RPS6KA2: variants seen among roughly 807,000 people sequenced by gnomAD.
RPS6KA2 encodes ribosomal protein S6 kinase A2, also known as ribosomal protein S6 kinase alpha-2.
A neutral mutation model predicts 91.8 loss-of-function variants in RPS6KA2; 42 were observed. The observed-to-expected ratio is 0.46, with a 90% CI of 0.36 to 0.59. The LOEUF (loss-of-function observed/expected upper bound fraction) is 0.59. Among genes scored for constraint, RPS6KA2 ranks in the 20% least tolerant of loss-of-function variants. The pLI is 0.00. For missense variants in RPS6KA2, 798 were observed against 978.5 expected, an observed-to-expected ratio of 0.82 and a Z score of 2.46; for synonymous variants, 414 against 393.6, an observed-to-expected ratio of 1.05 and a Z score of -0.61.
At chr6:166,798,079 CAG>C (rs1341024342) in intron 2 of RPS6KA2, among the ~76,000 whole-genome samples, 15 of 152,196 alleles carry the variant, frequency 9.9e-5, no homozygotes, top group African/African-American at 3.6e-4. Flanking sequence ...AGAGATCAAA[CAG>C]AGCAAAATCG....
At chr6:166,504,708 A>C in intron 5 of RPS6KA2, 96 bp from the exon 6 acceptor site, 2 of 829,918 alleles carry the variant, frequency 2.4e-6, no homozygotes, top group Non-Finnish European at 3.8e-6. Context: ...CTGAGAGTCC[A>C]CACTGGGGTC....
intron 2 of RPS6KA2, among the ~76,000 whole-genome samples, chr6:166,645,860 C>T (rs962093047): frequency 1.3e-5 from 2 of 152,192 alleles, no homozygotes; most frequent in South Asian, 4.1e-4. Context: ...ATTATTTTGC[C>T]TCCCAATGGA....
chr6:166,416,370 A>T (rs1482280990), intron 19 of RPS6KA2, among the ~76,000 whole-genome samples: 2 of 148,634 alleles, frequency 1.3e-5, no homozygotes, highest in South Asian at 4.3e-4. Flanking sequence ...CATCACCTCC[A>T]CTATCATCTC....
chr6:166,468,047 A>G (rs538891576), intron 11 of RPS6KA2, among the ~76,000 whole-genome samples: 7 of 152,392 alleles, frequency 4.6e-5, no homozygotes, highest in African/African-American at 1.7e-4. Flanking sequence ...AACCATCCAC[A>G]GGCTGACACC....
chr6:166,427,905 C>T (rs557534381), intron 16 of RPS6KA2, among the ~76,000 whole-genome samples: 8 of 152,236 alleles, frequency 5.3e-5, no homozygotes, highest in South Asian at 2.1e-4. Flanking sequence ...AATGCCATCC[C>T]GATCAAGCTA....
At chr6:166,819,731 T>C (rs1477747703) in intron 2 of RPS6KA2, among the ~76,000 whole-genome samples, 2 of 152,354 alleles carry the variant, frequency 1.3e-5, no homozygotes, top group East Asian at 1.9e-4. Context: ...CATGCATAGA[T>C]ATCCTGTAGT....
intron 3 of RPS6KA2, among the ~76,000 whole-genome samples, chr6:166,518,595 G>A (rs1210982276): frequency 6.6e-6 from 1 of 152,158 alleles, no homozygotes; most frequent in African/African-American, 2.4e-5. Flanking sequence ...CAGGGAAGAC[G>A]TTTTTATAAG....
At chr6:166,542,756 G>A (rs1173785602) in intron 1 of RPS6KA2, among the ~76,000 whole-genome samples, 1 of 152,214 alleles carries the variant, frequency 6.6e-6, no homozygotes, top group Non-Finnish European at 1.5e-5. Context: ...GGCTCTGCAT[G>A]CCTCTCTCTG....
Position 166,437,747 on chromosome 6 carries a change from CCAAA to C in RPS6KA2, c.1333-5261_1333-5258del, listed in dbSNP as rs887124597. Among the ~76,000 whole-genome samples, 1 of 152,156 alleles carries C rather than the reference CCAAA, an allele frequency of 6.6e-6. No homozygotes were observed. Among genetic ancestry groups the C allele is most frequent in the African/African-American group, 2.4e-5 (1 of 41,392 alleles). Reference sequence around the variant, plus strand: ...GAGCACGGACACATGCAGCCATGTGCCAAACAAACACTGCCATTCCTGCTGGCCG... The same window carrying C: ...GAGCACGGACACATGCAGCCATGTGCCAAACACTGCCATTCCTGCTGGCCG... On this transcript the variant is annotated intron_variant, in intron 14 of 20. Coordinates refer to ENST00000265678, the MANE Select transcript of RPS6KA2 (RefSeq NM_021135.6). This position sits in a 1 kb window ranked among gnomAD's most constrained non-coding sequence, Gnocchi z 4.3.
intron 2 of RPS6KA2, among the ~76,000 whole-genome samples, chr6:166,634,194 G>A (rs112379186): frequency 0.02 from 2,979 of 152,266 alleles, 102 homozygotes; most frequent in African/African-American, 0.068. Flanking sequence ...AAGCAGATTC[G>A]GGGAGGTGCC....
At chr6:166,576,237 A>G (rs762817653) in intron 1 of RPS6KA2, among the ~76,000 whole-genome samples, 10 of 152,242 alleles carry the variant, frequency 6.6e-5, no homozygotes, top group Non-Finnish European at 1.3e-4. Context: ...CTTTATCAGC[A>G]GCATGAAAAT....
At chr6:166,797,074 G>C (rs796145801) in intron 2 of RPS6KA2, among the ~76,000 whole-genome samples, 1 of 152,200 alleles carries the variant, frequency 6.6e-6, no homozygotes, top group Non-Finnish European at 1.5e-5. Context: ...CTGGCTTGTC[G>C]GTCTGAGCAC....
At chr6:166,617,522 C>T (rs1437113066) in intron 1 of RPS6KA2, among the ~76,000 whole-genome samples, 3 of 152,170 alleles carry the variant, frequency 2.0e-5, no homozygotes, top group Non-Finnish European at 4.4e-5. Context: ...GCCAGCACCA[C>T]CTCATGCTGT....
In RPS6KA2 at chr6:166,810,395, C is replaced by T. The variant is rs565377238; in HGVS notation, c.123+47805G>A. On this transcript the variant is annotated intron_variant, in intron 2 of 21. Transcript: ENST00000503859. ...AGTAACATGGAAAGATCTGAGCCCA[C>T]GAGGATATTTGCCTCTTTGTGACGG... Among the ~76,000 whole-genome samples, 80 of 152,158 alleles carry T rather than the reference C, an allele frequency of 5.3e-4. 1 individual carries two copies. The highest frequency in any genetic ancestry group is 1.8e-3 in the African/African-American group (73 of 41,494).
intron 1 of RPS6KA2, among the ~76,000 whole-genome samples, chr6:166,549,791 G>A (rs539288747): frequency 1.3e-5 from 2 of 152,106 alleles, no homozygotes; most frequent in South Asian, 2.1e-4. Context: ...ACACACACAC[G>A]AGTACACGTA....
intron 2 of RPS6KA2, among the ~76,000 whole-genome samples, chr6:166,688,379 C>T (rs1789089135): frequency 6.6e-6 from 1 of 152,186 alleles, no homozygotes; most frequent in African/African-American, 2.4e-5. Flanking sequence ...TCCCACCTGC[C>T]CGGCCCCCTC....
chr6:166,625,938 T>C (rs1786856364), intron 1 of RPS6KA2, among the ~76,000 whole-genome samples: 1 of 152,210 alleles, frequency 6.6e-6, no homozygotes, highest in Non-Finnish European at 1.5e-5. Flanking sequence ...CCCATGTCTG[T>C]GTCTAATATC....
chr6:166,850,507 C>G (rs1402684862), intron 2 of RPS6KA2, among the ~76,000 whole-genome samples: 2 of 152,102 alleles, frequency 1.3e-5, no homozygotes, highest in Non-Finnish European at 2.9e-5. Flanking sequence ...CATCTAAAAG[C>G]CCCCGGATTT....
At chr6:166,862,277 G>C in exon 1 of RPS6KA2, 1 of 1,588,212 alleles carries the variant, frequency 6.3e-7, no homozygotes, top group African/African-American at 1.3e-5. Context: ...CGGAAGCCAA[G>C]GGACGCAGAG....
Sources: gnomAD v4.1 joint callset for allele counts (sites outside exome capture counted in the v4.1 genomes callset) on GRCh38, gnomAD v4.1.1 for gene constraint, Gnocchi (gnomAD v3.1) non-coding constraint, MANE v1.5 for transcripts, NCBI Gene and HGNC (gene_info 2026-07-23, HGNC 2026-07-21) for gene names.